The following NEO1 variants were observed in gnomAD, a reference collection of about 807,000 sequenced individuals.
NEO1 encodes neogenin.
NEO1 carries 63 observed loss-of-function variants against 159.7 expected under a neutral mutation model. That is an observed-to-expected ratio of 0.39 (90% CI 0.32 to 0.49). The LOEUF is 0.49. Ranked by LOEUF, NEO1 falls within the 20% of genes least tolerant of loss-of-function variation. NEO1 has a pLI of 0.85. For missense variants in NEO1, 1,615 were observed against 1,831.0 expected, an observed-to-expected ratio of 0.88 and a Z score of 2.15; for synonymous variants, 633 against 662.0, an observed-to-expected ratio of 0.96 and a Z score of 0.67.
chr15:73,217,332 G>A (rs1268883943), intron 7 of NEO1, among the ~76,000 whole-genome samples: 5 of 149,122 alleles, frequency 3.4e-5, no homozygotes, highest in African/African-American at 4.9e-5. Context: ...GGTTACTGTA[G>A]CCTTGTAGTA....
chr15:73,098,108 G>A (rs1400636013), intron 1 of NEO1, among the ~76,000 whole-genome samples: 1 of 151,282 alleles, frequency 6.6e-6, no homozygotes, highest in African/African-American at 2.4e-5. Context: ...CACACCCTCA[G>A]AATAACAATA....
intron 7 of NEO1, among the ~76,000 whole-genome samples, chr15:73,209,259 T>G (rs2037413718): frequency 6.6e-6 from 1 of 152,272 alleles, no homozygotes; most frequent in African/African-American, 2.4e-5. Context: ...GTGTACAGCC[T>G]GAACTCATTG....
chr15:73,121,555 T>G (rs773106727), intron 2 of NEO1, among the ~76,000 whole-genome samples: 1 of 152,208 alleles, frequency 6.6e-6, no homozygotes, highest in Non-Finnish European at 1.5e-5. Context: ...AAGAGATACT[T>G]TGATACTCTG....
chr15:73,252,989 TCAAAA>T (rs138386901), intron 11 of NEO1, among the ~76,000 whole-genome samples: 57,247 of 151,034 alleles, frequency 0.38, 12,708 homozygotes, highest in Non-Finnish European at 0.5. Flanking sequence ...AAACTTAGTC[TCAAAA>T]CAAAACAAAA....
intron 4 of NEO1, among the ~76,000 whole-genome samples, chr15:73,133,225 G>A (rs2151729974): frequency 6.6e-6 from 1 of 151,814 alleles, no homozygotes; most frequent in Non-Finnish European, 1.5e-5. Flanking sequence ...GCAATAAAAA[G>A]GAATGAAATA....
intron 2 of NEO1, among the ~76,000 whole-genome samples, chr15:73,118,448 C>CCCTACAT (rs777829227): frequency 1.5e-4 from 22 of 150,382 alleles, no homozygotes; most frequent in Non-Finnish European, 3.0e-4. Context: ...CACCCCCGTC[C>CCCTACAT]CCTACATCCA....
chr15:73,128,526 A>G (rs763190296), intron 4 of NEO1, among the ~76,000 whole-genome samples: 1 of 152,182 alleles, frequency 6.6e-6, no homozygotes, highest in Admixed American at 6.5e-5. Context: ...AATGCTGGCT[A>G]TGTCATGCAT....
chr15:73,257,649 A>T (rs1343480611), intron 13 of NEO1, among the ~76,000 whole-genome samples: 1 of 152,202 alleles, frequency 6.6e-6, no homozygotes, highest in Non-Finnish European at 1.5e-5. Flanking sequence ...TATCTTTATG[A>T]TATGTATTGT....
chr15:73,195,516 A>G (rs2036486988), intron 7 of NEO1, among the ~76,000 whole-genome samples: 1 of 152,150 alleles, frequency 6.6e-6, no homozygotes, highest in Non-Finnish European at 1.5e-5. Flanking sequence ...ATATAATTTG[A>G]TATGCATTTA....
intron 11 of NEO1, 80 bp downstream of exon 11, chr15:73,249,801 T>G: frequency 6.9e-7 from 1 of 1,439,004 alleles, no homozygotes; most frequent in East Asian, 2.4e-5. Context: ...AGCTTTGATG[T>G]CTAGAAGATT....
At chr15:73,234,940 T>C (rs1420780179) in intron 7 of NEO1, among the ~76,000 whole-genome samples, 1 of 152,110 alleles carries the variant, frequency 6.6e-6, no homozygotes, top group African/African-American at 2.4e-5. Flanking sequence ...ACATATAAGT[T>C]AGAGATAATG....
intron 5 of NEO1, among the ~76,000 whole-genome samples, chr15:73,166,514 A>G (rs1276463143): frequency 6.6e-6 from 1 of 152,190 alleles, no homozygotes; most frequent in Non-Finnish European, 1.5e-5. Flanking sequence ...GCTTGCAAGC[A>G]AGGGTTTATA....
chr15:73,210,455 A>G (rs1168031624), intron 7 of NEO1, among the ~76,000 whole-genome samples: 2 of 152,226 alleles, frequency 1.3e-5, no homozygotes, highest in Non-Finnish European at 2.9e-5. Flanking sequence ...TAAATTGTCA[A>G]ATTGGAAATG....
chr15:73,185,366 A>G (rs1283275966), intron 7 of NEO1, among the ~76,000 whole-genome samples: 5 of 152,214 alleles, frequency 3.3e-5, no homozygotes, highest in Non-Finnish European at 5.9e-5. Flanking sequence ...GGGGGAAACT[A>G]TGCATGTGTA....
intron 3 of NEO1, 107 bp downstream of exon 3, chr15:73,122,907 C>T (rs2071752638): frequency 2.2e-6 from 3 of 1,345,660 alleles, no homozygotes; most frequent in East Asian, 2.3e-5. Context: ...CAGTGGCTCA[C>T]ACCTGTAATC....
intron 2 of NEO1, among the ~76,000 whole-genome samples, chr15:73,119,297 AT>A (rs1359295926): frequency 1.3e-5 from 2 of 152,230 alleles, no homozygotes; most frequent in Non-Finnish European, 2.9e-5. Context: ...ACCTAAAAAA[AT>A]TCTGCCAAAT....
intron 7 of NEO1, among the ~76,000 whole-genome samples, chr15:73,193,403 C>T (rs1422901891): frequency 1.3e-5 from 2 of 151,914 alleles, no homozygotes; most frequent in African/African-American, 4.8e-5. Flanking sequence ...AGAGTCAGGA[C>T]TGATATCTTG....
At chr15:73,148,875 G>A (rs547075911) in intron 5 of NEO1, among the ~76,000 whole-genome samples, 89 of 150,598 alleles carry the variant, frequency 5.9e-4, no homozygotes, top group African/African-American at 2.2e-3. Flanking sequence ...TTTGGCCAGG[G>A]AACTCAAGCA....
chr15:73,112,761 T>A (rs147934336), intron 1 of NEO1, among the ~76,000 whole-genome samples: 6 of 152,344 alleles, frequency 3.9e-5, no homozygotes, highest in Non-Finnish European at 8.8e-5. Context: ...TTTTCCTCTC[T>A]AAAATGGGGC....
Sources: allele counts gnomAD v4.1 joint callset (sites outside exome capture counted in the v4.1 genomes callset), GRCh38; gene constraint gnomAD v4.1.1; transcripts MANE v1.5; gene names NCBI Gene and HGNC (gene_info 2026-07-23, HGNC 2026-07-21).